Variants in LINGO2 observed in about 807,000 individuals in gnomAD.
The protein encoded by LINGO2 is leucine rich repeat and Ig domain containing 2, also known as leucine-rich repeat and immunoglobulin-like domain-containing nogo receptor-interacting protein 2.
A neutral mutation model predicts 30.6 loss-of-function variants in LINGO2; 14 were observed. The observed-to-expected ratio is 0.46, with a 90% CI of 0.30 to 0.72. LINGO2 has a LOEUF of 0.72. LINGO2 is among the 30% of genes least tolerant of loss of function. The probability of loss-of-function intolerance (pLI) is 0.07; values close to 1 mark genes in which losing one functional copy is unlikely to be tolerated. For synonymous variants in LINGO2, 317 were observed against 288.5 expected (o/e 1.10, Z -1.00); for missense variants, 729 against 751.7 (o/e 0.97, Z 0.35).
At position 28,122,527 on chromosome 9, in the gene LINGO2, C is replaced by A. The variant is rs1452334; in HGVS notation, c.-86-110122G>T. 5.3e-5 allele frequency among the ~76,000 whole-genome samples: 8 copies of A among 152,270 alleles called. No individual in the cohort carries two copies. In the South Asian group the frequency reaches 1.7e-3, roughly 32 times the overall value. The stretch of plus-strand genomic sequence containing the variant: ...CTAACCTGTCCAGAATCACACAGGT[C>A]CAAATGGAATGAGAACCACAGATGT... On this transcript the variant is annotated intron_variant, in intron 4 of 5. Coordinates refer to ENST00000379992, the Ensembl canonical transcript of LINGO2.
chr9:28,893,965 T>C, the LINGO2 span, among the ~76,000 whole-genome samples: 1 of 149,526 alleles, frequency 6.7e-6, no homozygotes, highest in East Asian at 2.1e-4. Flanking sequence ...TGTGTTCTCA[T>C]TGTTCAATTC....
intron 1 of LINGO2, among the ~76,000 whole-genome samples, chr9:28,636,974 A>C (rs1337622755): frequency 6.6e-6 from 1 of 152,174 alleles, no homozygotes; most frequent in Non-Finnish European, 1.5e-5. Flanking sequence ...TTAAGTCTTT[A>C]ATCCATCTTG....
At chr9:28,810,408 G>A in the LINGO2 span, among the ~76,000 whole-genome samples, 4 of 152,168 alleles carry the variant, frequency 2.6e-5, no homozygotes, top group African/African-American at 7.2e-5. Context: ...AAATAAAAAC[G>A]AAGTTATAAA....
At chr9:29,008,753 C>T in the LINGO2 span, among the ~76,000 whole-genome samples, 999 of 152,200 alleles carry the variant, frequency 6.6e-3, 15 homozygotes, top group African/African-American at 0.023. Context: ...TCATATCCTT[C>T]ACCCAATTTT....
At chr9:28,750,043 AC>A in the LINGO2 span, among the ~76,000 whole-genome samples, 2 of 152,060 alleles carry the variant, frequency 1.3e-5, no homozygotes, top group South Asian at 4.1e-4. Flanking sequence ...TGTTGGAGAA[AC>A]CAAATTTAGG....
At chr9:27,997,965 G>T (rs117085037) in intron 5 of LINGO2, among the ~76,000 whole-genome samples, 2,041 of 151,874 alleles carry the variant, frequency 0.013, 21 homozygotes, top group Non-Finnish European at 0.023. Flanking sequence ...GGGGTGGGAG[G>T]GGGGGAGGTG....
chr9:28,502,796 TA>T (rs1289367091), intron 1 of LINGO2, among the ~76,000 whole-genome samples: 3 of 152,138 alleles, frequency 2.0e-5, no homozygotes, highest in African/African-American at 7.2e-5. Flanking sequence ...CATTCCTTTT[TA>T]CACAAGTATT....
intron 4 of LINGO2, among the ~76,000 whole-genome samples, chr9:28,267,031 A>C (rs765776181): frequency 6.6e-6 from 1 of 152,018 alleles, no homozygotes; most frequent in African/African-American, 2.4e-5. Flanking sequence ...GGAGAAACTA[A>C]AGAATGAATT....
rs1417863726 is a variant in LINGO2, at chr9:28,197,862, T to G, written c.-87+97346A>C. ...TCAACAAGAAATAGAAAATTTGCAT[T>G]AAAAAAAAAGACTATGAATCATCCT... On this transcript the variant is annotated intron_variant, in intron 4 of 5. Coordinates refer to ENST00000379992, the Ensembl canonical transcript of LINGO2. Among the ~76,000 whole-genome samples the G allele has an allele frequency of 2.7e-5, 4 of 150,266 alleles. No individual in the cohort carries two copies. The East Asian group carries it at 7.8e-4, about 29-fold the overall frequency.
intron 5 of LINGO2, among the ~76,000 whole-genome samples, chr9:27,976,139 A>AT (rs962976748): frequency 6.6e-6 from 1 of 152,114 alleles, no homozygotes; most frequent in African/African-American, 2.4e-5. Context: ...ACTTCATAAA[A>AT]TTGTTGCAGG....
chr9:28,303,313 T>C (rs1021228303), intron 3 of LINGO2, among the ~76,000 whole-genome samples: 2 of 152,174 alleles, frequency 1.3e-5, no homozygotes, highest in East Asian at 1.9e-4. Context: ...CTGAGGATAA[T>C]CTTGGAGGGA....
chr9:28,409,620 G>GGTGTGT lies in LINGO2; in HGVS notation c.-278-36758_-278-36753dup, dbSNP rs150611305. Among the ~76,000 whole-genome samples, 1,455 of 146,294 alleles carry GGTGTGT rather than the reference G, an allele frequency of 9.9e-3. 20 individuals are homozygous for GGTGTGT. Among genetic ancestry groups the GGTGTGT allele is most frequent in the African/African-American group, 0.032 (1,262 of 39,468 alleles). On this transcript the variant is annotated intron_variant, in intron 2 of 5. Transcript: ENST00000379992. ...AAAGCTGGCTTAACAGATGTGCAGG[G>GGTGTGT]GTGTGTGTGTGTGTGTGTGTGTGTG...
At chr9:28,875,048 T>A in the LINGO2 span, among the ~76,000 whole-genome samples, 16 of 152,106 alleles carry the variant, frequency 1.1e-4, no homozygotes, top group Non-Finnish European at 1.9e-4. Context: ...AACTACTGAT[T>A]TGACACAGCT....
intron 1 of LINGO2, among the ~76,000 whole-genome samples, chr9:28,661,966 T>A (rs1043131103): frequency 6.6e-6 from 1 of 152,124 alleles, no homozygotes; most frequent in Non-Finnish European, 1.5e-5. Context: ...ACAAGCAGCA[T>A]AACTTAGTAC....
the LINGO2 span, among the ~76,000 whole-genome samples, chr9:29,036,420 T>C: frequency 2.0e-5 from 3 of 151,984 alleles, no homozygotes; most frequent in Admixed American, 6.6e-5. Flanking sequence ...AAAAAAATAA[T>C]GAATCATTGT....
Position 28,216,842 on chromosome 9 carries a change from A to G in LINGO2, c.-87+78366T>C, listed in dbSNP as rs138052065. Among the ~76,000 whole-genome samples the G allele has an allele frequency of 1.6e-3, 243 of 152,014 alleles. 1 individual carries two copies. Among genetic ancestry groups the G allele is most frequent in the African/African-American group, 5.5e-3 (230 of 41,528 alleles). ...ATTTATTCAAATAAATGGATCTGTA[A>G]GTTAGAAATTTCCCATCATATAAAA... is the stretch of plus-strand genomic sequence containing the variant. On this transcript the variant is annotated intron_variant, in intron 4 of 5. Coordinates refer to ENST00000379992, the Ensembl canonical transcript of LINGO2.
intron 5 of LINGO2, among the ~76,000 whole-genome samples, chr9:28,002,794 G>A (rs1822028647): frequency 6.6e-6 from 1 of 150,850 alleles, no homozygotes; most frequent in African/African-American, 2.4e-5. Context: ...CTCCCCGTCA[G>A]TGGGTTTTCT....
At chr9:28,936,241 A>C in the LINGO2 span, among the ~76,000 whole-genome samples, 8 of 152,142 alleles carry the variant, frequency 5.3e-5, no homozygotes, top group Non-Finnish European at 2.9e-5. Flanking sequence ...CTTTTCTTTA[A>C]ATTAATAGTC....
intron 3 of LINGO2, among the ~76,000 whole-genome samples, chr9:28,342,086 A>G (rs1444129028): frequency 6.6e-6 from 1 of 152,114 alleles, no homozygotes; most frequent in African/African-American, 2.4e-5. Flanking sequence ...AAGGGACCGT[A>G]TGTTAACTCT....
Sources: allele counts gnomAD v4.1 joint callset (sites outside exome capture counted in the v4.1 genomes callset), GRCh38; gene constraint gnomAD v4.1.1; transcripts MANE v1.5; gene names NCBI Gene and HGNC (gene_info 2026-07-23, HGNC 2026-07-21).